The following MAGEE1 variants were observed in gnomAD, a reference collection of about 807,000 sequenced individuals.
MAGEE1 encodes the protein melanoma-associated antigen E1.
Under a neutral mutation model 12.0 loss-of-function variants are expected in MAGEE1, and 3 were observed. The ratio of observed to expected loss-of-function variants is 0.25; its 90% CI spans 0.11 to 0.65. The LOEUF is 0.65. MAGEE1 is among the 30% of genes least tolerant of loss of function. The probability of loss-of-function intolerance (pLI) is 0.84; values close to 1 mark genes in which losing one functional copy is unlikely to be tolerated. For missense variants in MAGEE1, 729 were observed against 772.2 expected (o/e 0.94, Z 0.66); for synonymous variants, 414 against 326.1 (o/e 1.27, Z -2.91).
rs782752733 is a variant in MAGEE1 at position 76,430,832 on chromosome X, T to G, written c.*28T>G. 1 of 996,031 alleles carries G rather than the reference T, an allele frequency of 1.0e-6. No individual in the cohort carries two copies. Among genetic ancestry groups the G allele is most frequent in the South Asian group, 2.8e-5 (1 of 35,658 alleles). The allele number at this position is 996,031 out of a possible 1,213,427, so 82.1% of individuals were successfully genotyped here. On this transcript the variant is annotated 3_prime_UTR_variant, in exon 1 of 1. Transcript: ENST00000361470. ...GAATGCATGGCAGTCAGAGGGGCCT[T>G]GCAAGGAGGGGCCTTTGAGCCTCAG...
At position 76,429,132 on chromosome X, in the gene MAGEE1, G is replaced by A; in HGVS notation, c.1202G>A (p.Gly401Glu). 1 of 1,211,619 alleles carries A rather than the reference G, an allele frequency of 8.3e-7. No homozygotes were observed. The highest frequency in any genetic ancestry group is 1.1e-6 in the Non-Finnish European group (1 of 895,237). Residue 401 changes from glycine (G) to glutamate (E), a missense_variant, in exon 1 of 1, where the codon GGA becomes GAA. Physicochemically the swap from Gly to Glu is moderately conservative, Grantham distance 98. Coordinates refer to ENST00000361470, the MANE Select transcript of MAGEE1 (RefSeq NM_020932.3). ...LVQPTAPDGPGSSVLPNPGEG... is the reference protein window; with the variant it reads ...LVQPTAPDGPESSVLPNPGEG... ...CAGCCCACCGCCCCTGACGGACCGGGAAGCTCCGTGCTGCCTAACCCTGGT... is the reference window on the plus strand; with the variant it reads ...CAGCCCACCGCCCCTGACGGACCGGAAAGCTCCGTGCTGCCTAACCCTGGT...
chrX:76,428,186 GA>G lies in MAGEE1; in HGVS notation c.257del (p.Glu86GlyfsTer27). 8.3e-7 allele frequency: 1 copy of G among 1,209,262 alleles called. No homozygotes were observed. The highest frequency in any genetic ancestry group is 1.1e-6 in the Non-Finnish European group (1 of 894,304). On this transcript the variant is annotated frameshift_variant, in exon 1 of 1. Transcript: ENST00000361470. LOFTEE classifies it low-confidence loss of function (END_TRUNC). ...PSTFVPPTIS[E>X]ASSASGQPTI... ...CACCTTTGTGCCGCCCACCATCTCTGAGGCCTCAAGCGCCTCCGGGCAGCCC... is the reference window on the plus strand; with the variant it reads ...CACCTTTGTGCCGCCCACCATCTCTGGGCCTCAAGCGCCTCCGGGCAGCCC...
chrX:76,427,898 T>C lies in MAGEE1; in HGVS notation c.-33T>C, dbSNP rs1556839051. The C allele has an allele frequency of 1.7e-6, 2 of 1,164,496 alleles. No individual in the cohort carries two copies. The highest frequency in any genetic ancestry group is 1.8e-5 in the African/African-American group (1 of 56,224). On this transcript the variant is annotated 5_prime_UTR_variant, in exon 1 of 1. Coordinates refer to ENST00000361470, the MANE Select transcript of MAGEE1 (RefSeq NM_020932.3). ...GCCAGATCGCGGGCCTGTCGGTGTC[T>C]GCTCCTACACGCCAACGCCGGTGGG...
chrX:76,430,545 A>G lies in MAGEE1; in HGVS notation c.2615A>G (p.His872Arg). The G allele has an allele frequency of 8.3e-7, 1 of 1,210,783 alleles. No individual in the cohort carries two copies. The change falls in exon 1 of 1, where the codon CAT becomes CGT. Residue 872 changes from histidine to arginine, a missense_variant. Transcript: ENST00000361470. ...RGLGVQAGRK[H>R]VITCRYLSQR... Reference sequence around the variant, plus strand: ...TTAGGGGTTCAAGCTGGGAGAAAGCATGTGATTACCTGCAGATACTTGAGT... The same window carrying G: ...TTAGGGGTTCAAGCTGGGAGAAAGCGTGTGATTACCTGCAGATACTTGAGT...
Position 76,430,026 on chromosome X carries a change from T to C in MAGEE1, c.2096T>C (p.Phe699Ser). 1 of 1,208,425 alleles carries C rather than the reference T, an allele frequency of 8.3e-7. No individual in the cohort carries two copies. Among genetic ancestry groups the C allele is most frequent in the Non-Finnish European group, 1.1e-6 (1 of 893,658 alleles). The part of the protein sequence containing the change: ...EALEEDAARA[F>S]AEGWQALPHF... ...CTGGAAGAAGATGCTGCCAGAGCCT[T>C]TGCTGAGGGTTGGCAGGCTCTCCCT... Residue 699 changes from phenylalanine to serine, a missense_variant, in exon 1 of 1, where the codon TTT becomes TCT. This residue lies in a region of MAGEE1 where 64 missense variants were observed against 53.4 expected (regional missense o/e 1.20). Transcript: ENST00000361470.
rs782454326 is a variant in MAGEE1, at chrX:76,429,173, T to C, written c.1243T>C (p.Leu415=). ...LPNPGEGPST[L]FSSSASVDRN... ...TAACCCTGGTGAGGGCCCGAGCACA[T>C]TGTTTAGCTCTAGTGCTTCTGTGGA... Residue 415 remains leucine (L), a synonymous_variant, in exon 1 of 1, where the codon TTG becomes CTG. Transcript: ENST00000361470. 3 of 1,212,165 alleles carry C rather than the reference T, an allele frequency of 2.5e-6. No individual in the cohort carries two copies. Among genetic ancestry groups the C allele is most frequent in the East Asian group, 3.0e-5 (1 of 33,818 alleles).
chrX:76,429,565 G>C lies in MAGEE1; in HGVS notation c.1635G>C (p.Arg545Ser). The change falls in exon 1 of 1, where the codon AGG (arginine) becomes AGC (serine). Residue 545 changes from arginine to serine, a missense_variant. Arg to Ser is a moderately radical substitution (Grantham distance 110, BLOSUM62 -1). Coordinates refer to ENST00000361470, the MANE Select transcript of MAGEE1 (RefSeq NM_020932.3). Reference sequence around the variant, plus strand: ...CAGCCCACCTGGAGTGCATTTTTAGGTTTGAATTGAGAGAACTTGACCCTG... The same window carrying C: ...CAGCCCACCTGGAGTGCATTTTTAGCTTTGAATTGAGAGAACTTGACCCTG... ...RAAAHLECIF[R>S]FELRELDPEA... The C allele has an allele frequency of 4.1e-6, 5 of 1,211,470 alleles. No homozygotes were observed. The highest frequency in any genetic ancestry group is 5.6e-6 in the Non-Finnish European group (5 of 895,462).
rs376966000 is a variant in MAGEE1 at position 76,430,296 on chromosome X, G to A, written c.2366G>A (p.Arg789His). 9.1e-6 allele frequency: 11 copies of A among 1,211,960 alleles called. No homozygotes were observed. The highest frequency in any genetic ancestry group is 3.0e-5 in the East Asian group (1 of 33,825). ...CSKVFPDLLN[R>H]AARTLNHVYG... Reference sequence around the variant, plus strand: ...AAAGTGTTCCCTGACCTCCTGAATCGTGCTGCCCGCACCCTGAACCATGTC... The same window carrying A: ...AAAGTGTTCCCTGACCTCCTGAATCATGCTGCCCGCACCCTGAACCATGTC... The change falls in exon 1 of 1, where the codon CGT becomes CAT. Residue 789 changes from arginine (R) to histidine (H), a missense_variant. Physicochemically the swap from Arg to His is conservative, Grantham distance 29. This residue lies in a region of MAGEE1 where 101 missense variants were observed against 161.3 expected (regional missense o/e 0.63). Transcript: ENST00000361470.
chrX:76,427,830 G>A lies in MAGEE1; in HGVS notation c.-101G>A. 1.1e-6 allele frequency: 1 copy of A among 920,314 alleles called. No individual in the cohort carries two copies. The highest frequency in any genetic ancestry group is 1.5e-6 in the Non-Finnish European group (1 of 663,521). The allele number at this position is 920,314 out of a possible 1,213,427, so 75.8% of individuals were successfully genotyped here. A position where few individuals can be genotyped will look rare whatever the true frequency, so the allele number is the denominator to read the frequency against. On this transcript the variant is annotated 5_prime_UTR_variant, in exon 1 of 1. Coordinates refer to ENST00000361470, the MANE Select transcript of MAGEE1 (RefSeq NM_020932.3). ...CAGCAGCAACATCATTACCGCTAGC[G>A]GCAGTTTTGTGCCGAGGCACCTACA...
At position 76,427,770 on chromosome X, in the gene MAGEE1, G is replaced by C; in HGVS notation, c.-161G>C. The C allele has an allele frequency of 3.5e-6, 2 of 570,046 alleles. No homozygotes were observed. The highest frequency in any genetic ancestry group is 5.6e-6 in the Non-Finnish European group (2 of 355,331). 47.0% of individuals were successfully genotyped at this position (570,046 alleles called of 1,213,427 possible). A position where few individuals can be genotyped will look rare whatever the true frequency, so the allele number is the denominator to read the frequency against. ...GCCTTTTTCACCACCTCTAATTTCA[G>C]CTTCAGCAGTTGCTTGGAACTTTGG... On this transcript the variant is annotated 5_prime_UTR_variant, in exon 1 of 1. Transcript: ENST00000361470.
rs782083433 is a variant in MAGEE1 at position 76,430,839 on chromosome X, AG to A, written c.*39del. 3 of 412,866 alleles carry A rather than the reference AG, an allele frequency of 7.3e-6. No individual in the cohort carries two copies. The highest frequency in any genetic ancestry group is 1.1e-4 in the Admixed American group (2 of 18,751). The allele number at this position is 412,866 out of a possible 1,213,427, so 34.0% of individuals were successfully genotyped here. A position where few individuals can be genotyped will look rare whatever the true frequency, so the allele number is the denominator to read the frequency against. ...TGGCAGTCAGAGGGGCCTTGCAAGG[AG>A]GGGCCTTTGAGCCTCAGTTCTCATG... On this transcript the variant is annotated 3_prime_UTR_variant, in exon 1 of 1. Coordinates refer to ENST00000361470, the MANE Select transcript of MAGEE1 (RefSeq NM_020932.3).
rs782133185 is a variant in MAGEE1 at position 76,430,594 on chromosome X, G to A, written c.2664G>A (p.Arg888=). Residue 888 remains arginine, a synonymous_variant, in exon 1 of 1, where the codon CGG becomes CGA. Coordinates refer to ENST00000361470, the MANE Select transcript of MAGEE1 (RefSeq NM_020932.3). Reference sequence around the variant, plus strand: ...GTCAGCGCTATATAGACAGTTTACGGGTTCCTGACAGTGATCCAGTGCAAT... The same window carrying A: ...GTCAGCGCTATATAGACAGTTTACGAGTTCCTGACAGTGATCCAGTGCAAT... The part of the protein sequence containing the change: ...YLSQRYIDSL[R]VPDSDPVQYE... 10 of 1,209,669 alleles carry A rather than the reference G, an allele frequency of 8.3e-6. No homozygotes were observed. In the African/African-American group the frequency reaches 1.6e-4, roughly 19 times the overall value.
rs926249134 is a variant in MAGEE1 at position 76,430,714 on chromosome X, C to A, written c.2784C>A (p.Asp928Glu). 8.3e-7 allele frequency: 1 copy of A among 1,211,328 alleles called. No individual in the cohort carries two copies. The highest frequency in any genetic ancestry group is 1.1e-6 in the Non-Finnish European group (1 of 895,431). Reference sequence around the variant, plus strand: ...GAATCCACAGAAAGGAACCACAGGACTGGCCACAGCAGTACAGGGAGGCAA... The same window carrying A: ...GAATCCACAGAAAGGAACCACAGGAATGGCCACAGCAGTACAGGGAGGCAA... The part of the protein sequence containing the change: ...VARIHRKEPQ[D>E]WPQQYREAME... The change falls in exon 1 of 1, where the codon GAC (aspartate) becomes GAA (glutamate). Residue 928 changes from aspartate to glutamate, a missense_variant. Asp to Glu is a conservative substitution (Grantham distance 45, BLOSUM62 2). Around this residue, in one of 4 missense-constraint regions of MAGEE1, gnomAD observed 101 missense variants for 161.3 expected, o/e 0.63. Coordinates refer to ENST00000361470, the MANE Select transcript of MAGEE1 (RefSeq NM_020932.3).
At position 76,430,830 on chromosome X, in the gene MAGEE1, C is replaced by T; in HGVS notation, c.*26C>T. The T allele has an allele frequency of 2.6e-6, 2 of 761,322 alleles. No homozygotes were observed. The highest frequency in any genetic ancestry group is 3.3e-5 in the South Asian group (1 of 29,911). The allele number at this position is 761,322 out of a possible 1,213,427, so 62.7% of individuals were successfully genotyped here. A position where few individuals can be genotyped will look rare whatever the true frequency, so the allele number is the denominator to read the frequency against. On this transcript the variant is annotated 3_prime_UTR_variant, in exon 1 of 1. Coordinates refer to ENST00000361470, the MANE Select transcript of MAGEE1 (RefSeq NM_020932.3). ...AGGAATGCATGGCAGTCAGAGGGGC[C>T]TTGCAAGGAGGGGCCTTTGAGCCTC... is the stretch of plus-strand genomic sequence containing the variant.
rs781999942 is a variant in MAGEE1, at chrX:76,428,425, G to T, written c.495G>T (p.Pro165=). ...CTGAGGTACCGAGCACCTCCCTGCCGCCCACCCCTGGTGAGGGAACGAGCA... is the reference window on the plus strand; with the variant it reads ...CTGAGGTACCGAGCACCTCCCTGCCTCCCACCCCTGGTGAGGGAACGAGCA... The part of the protein sequence containing the change: ...TASEVPSTSL[P]PTPGEGTSTS... Residue 165 remains proline, a synonymous_variant, in exon 1 of 1, where the codon CCG becomes CCT. Transcript: ENST00000361470. The T allele has an allele frequency of 8.4e-5, 101 of 1,208,391 alleles. No homozygotes were observed. The highest frequency in any genetic ancestry group is 6.8e-4 in the Admixed American group (31 of 45,875).
chrX:76,427,995 A>G lies in MAGEE1; in HGVS notation c.65A>G (p.Asn22Ser), dbSNP rs781953303. The G allele has an allele frequency of 4.2e-6, 5 of 1,204,549 alleles. No homozygotes were observed. Among genetic ancestry groups the G allele is most frequent in the Non-Finnish European group, 5.6e-6 (5 of 892,752 alleles). ...RRRVAKATAH[N>S]SSWGEMQAPN... The stretch of plus-strand genomic sequence containing the variant: ...CGCGTTGCAAAGGCTACTGCGCACA[A>G]CAGCAGCTGGGGCGAAATGCAGGCC... Residue 22 changes from asparagine (N) to serine (S), a missense_variant, in exon 1 of 1, where the codon AAC (asparagine) becomes AGC (serine). Physicochemically the swap from Asn to Ser is conservative, Grantham distance 46. Transcript: ENST00000361470.
chrX:76,431,022 T>G lies in MAGEE1; in HGVS notation c.*218T>G, dbSNP rs1556840034. On this transcript the variant is annotated 3_prime_UTR_variant, in exon 1 of 1. Transcript: ENST00000361470. The stretch of plus-strand genomic sequence containing the variant: ...TAAATGTGATTGACCACTTGCTGTC[T>G]CTGTTGTATTTTGGTATGAGTTTTG... 1 of 369,024 alleles carries G rather than the reference T, an allele frequency of 2.7e-6. No individual in the cohort carries two copies. The highest frequency in any genetic ancestry group is 4.8e-6 in the Non-Finnish European group (1 of 209,092). The allele number at this position is 369,024 out of a possible 1,213,427, so 30.4% of individuals were successfully genotyped here.
At position 76,430,858 on chromosome X, in the gene MAGEE1, T is replaced by C; in HGVS notation, c.*54T>C. On this transcript the variant is annotated 3_prime_UTR_variant, in exon 1 of 1. Coordinates refer to ENST00000361470, the MANE Select transcript of MAGEE1 (RefSeq NM_020932.3). ...GCAAGGAGGGGCCTTTGAGCCTCAGTTCTCATGTATTGGGGGGTGGGGGTG... is the reference window on the plus strand; with the variant it reads ...GCAAGGAGGGGCCTTTGAGCCTCAGCTCTCATGTATTGGGGGGTGGGGGTG... 1 of 775,270 alleles carries C rather than the reference T, an allele frequency of 1.3e-6. No homozygotes were observed. The highest frequency in any genetic ancestry group is 1.8e-6 in the Non-Finnish European group (1 of 557,200). 63.9% of individuals were successfully genotyped at this position (775,270 alleles called of 1,213,427 possible). A position where few individuals can be genotyped will look rare whatever the true frequency, so the allele number is the denominator to read the frequency against.
Position 76,430,035 on chromosome X carries a change from G to T in MAGEE1, c.2105G>T (p.Gly702Val). The T allele has an allele frequency of 3.3e-6, 4 of 1,209,012 alleles. No individual in the cohort carries two copies. The highest frequency in any genetic ancestry group is 4.5e-6 in the Non-Finnish European group (4 of 893,928). ...EEDAARAFAE[G>V]WQALPHFRRP... ...GATGCTGCCAGAGCCTTTGCTGAGG[G>T]TTGGCAGGCTCTCCCTCACTTTAGG... Residue 702 changes from glycine to valine, a missense_variant, in exon 1 of 1, where the codon GGT becomes GTT. Coordinates refer to ENST00000361470, the MANE Select transcript of MAGEE1 (RefSeq NM_020932.3).
Sources: allele counts gnomAD v4.1 joint callset, GRCh38; gene constraint gnomAD v4.1.1; regional missense constraint gnomAD v4.1.1; transcripts MANE v1.5; gene names NCBI Gene and HGNC (gene_info 2026-07-23, HGNC 2026-07-21).